Variants in NKAIN1 observed in about 807,000 individuals in gnomAD.
NKAIN1 encodes sodium/potassium-transporting ATPase subunit beta-1-interacting protein 1.
A neutral mutation model predicts 31.6 loss-of-function variants in NKAIN1; 13 were observed. That is an observed-to-expected ratio of 0.41 (90% confidence interval 0.27 to 0.65). The LOEUF (loss-of-function observed/expected upper bound fraction) is 0.65, where lower values mean the gene tolerates loss of function less well. Ranked by LOEUF, NKAIN1 falls within the 30% of genes least tolerant of loss-of-function variation. NKAIN1 has a pLI of 0.30. For missense variants in NKAIN1, 193 were observed against 262.2 expected, an observed-to-expected ratio of 0.74 and a Z score of 1.82; for synonymous variants, 104 against 109.0, an observed-to-expected ratio of 0.95 and a Z score of 0.28.
intron 1 of NKAIN1, among the ~76,000 whole-genome samples, chr1:31,223,634 C>T (rs1298648034): frequency 2.0e-5 from 3 of 152,040 alleles, no homozygotes; most frequent in Non-Finnish European, 2.9e-5. Flanking sequence ...TTAGTAGAGA[C>T]GGGGTTTCAC....
rs980259478 is a variant in NKAIN1, at chr1:31,207,019, T to A, written c.55-18832A>T. The stretch of plus-strand genomic sequence containing the variant: ...CAAAGTGCTGGGATTAAAAGTGTGA[T>A]CCTGTAATCCCACCTGGCTGTATGT... On this transcript the variant is annotated intron_variant, in intron 1 of 6. Transcript: ENST00000373736. 2.0e-5 allele frequency among the ~76,000 whole-genome samples: 3 copies of A among 152,098 alleles called. No homozygotes were observed. The South Asian group carries it at 6.2e-4, about 32-fold the overall frequency.
intron 1 of NKAIN1, among the ~76,000 whole-genome samples, chr1:31,226,905 C>A (rs1031025813): frequency 1.3e-5 from 2 of 151,986 alleles, no homozygotes; most frequent in East Asian, 3.9e-4. Context: ...CTCACTGCAA[C>A]CTCTGCCTCT....
At chr1:31,182,201 G>A (rs1290015659) in intron 5 of NKAIN1, among the ~76,000 whole-genome samples, 1 of 152,070 alleles carries the variant, frequency 6.6e-6, no homozygotes, top group African/African-American at 2.4e-5. Context: ...CAGTCCTTAA[G>A]GCTTGGGCCT....
intron 1 of NKAIN1, among the ~76,000 whole-genome samples, chr1:31,227,929 GT>G (rs1172582654): frequency 2.0e-5 from 3 of 152,054 alleles, no homozygotes; most frequent in African/African-American, 7.2e-5. Context: ...CCACCTTCCT[GT>G]CCCCCTGGCC....
intron 1 of NKAIN1, among the ~76,000 whole-genome samples, chr1:31,225,963 A>G (rs2148365863): frequency 6.6e-6 from 1 of 152,344 alleles, no homozygotes; most frequent in Middle Eastern, 3.4e-3. Context: ...CACTTACCTC[A>G]CTCAACTTAT....
chr1:31,227,483 G>T (rs1645616848), intron 1 of NKAIN1, among the ~76,000 whole-genome samples: 1 of 152,216 alleles, frequency 6.6e-6, no homozygotes, highest in Admixed American at 6.5e-5. Flanking sequence ...CCCACAGGGT[G>T]CCATGAGGAT....
chr1:31,196,140 A>T (rs1272567728), intron 1 of NKAIN1, among the ~76,000 whole-genome samples: 1 of 152,052 alleles, frequency 6.6e-6, no homozygotes, highest in Non-Finnish European at 1.5e-5. Context: ...GCACTTTGGG[A>T]GACCGAGGTG....
intron 1 of NKAIN1, among the ~76,000 whole-genome samples, chr1:31,210,688 G>A (rs1210238809): frequency 2.0e-5 from 3 of 152,332 alleles, no homozygotes; most frequent in East Asian, 3.9e-4. Flanking sequence ...CTGAAATGGA[G>A]ATCATTTCTA....
intron 1 of NKAIN1, among the ~76,000 whole-genome samples, chr1:31,190,775 CTCTG>C (rs1246920415): frequency 6.6e-6 from 1 of 152,156 alleles, no homozygotes; most frequent in Non-Finnish European, 1.5e-5. Context: ...CTGCCACGGT[CTCTG>C]TCTGCTGCTC....
intron 1 of NKAIN1, among the ~76,000 whole-genome samples, chr1:31,195,582 T>A (rs997186684): frequency 2.0e-5 from 3 of 151,922 alleles, no homozygotes; most frequent in Non-Finnish European, 4.4e-5. Flanking sequence ...CCCCAGATCC[T>A]TCTCACTGGC....
intron 1 of NKAIN1, among the ~76,000 whole-genome samples, chr1:31,197,402 C>T (rs1018151302): frequency 5.9e-5 from 9 of 151,924 alleles, no homozygotes; most frequent in African/African-American, 1.9e-4. Context: ...TGAGCTACCA[C>T]GTCTGGCCTA....
chr1:31,189,116 G>A (rs1393970402), intron 1 of NKAIN1, among the ~76,000 whole-genome samples: 1 of 151,938 alleles, frequency 6.6e-6, no homozygotes, highest in Non-Finnish European at 1.5e-5. Flanking sequence ...TGACCTGCTG[G>A]AGGATGAGAA....
At chr1:31,222,588 C>T (rs1329078794) in intron 1 of NKAIN1, among the ~76,000 whole-genome samples, 1 of 152,172 alleles carries the variant, frequency 6.6e-6, no homozygotes, top group East Asian at 1.9e-4. Flanking sequence ...GGAAGAGGAA[C>T]AGGAGGACTC....
intron 1 of NKAIN1, among the ~76,000 whole-genome samples, chr1:31,201,649 C>T (rs941659978): frequency 1.3e-5 from 2 of 152,192 alleles, no homozygotes; most frequent in Non-Finnish European, 2.9e-5. Flanking sequence ...GCGTGAGCCA[C>T]CGCGCCCGGC....
intron 1 of NKAIN1, among the ~76,000 whole-genome samples, chr1:31,199,101 G>A (rs1645355549): frequency 6.6e-6 from 1 of 152,212 alleles, no homozygotes; most frequent in African/African-American, 2.4e-5. Flanking sequence ...CCTGTCTGGG[G>A]AAAGATGAGG....
chr1:31,213,822 C>T (rs1645488808), intron 1 of NKAIN1, among the ~76,000 whole-genome samples: 1 of 151,660 alleles, frequency 6.6e-6, no homozygotes, highest in Non-Finnish European at 1.5e-5. Flanking sequence ...CAGGGAGATC[C>T]TGTCTCCACA....
At chr1:31,200,269 T>C (rs2377718) in intron 1 of NKAIN1, among the ~76,000 whole-genome samples, 108,179 of 151,956 alleles carry the variant, frequency 0.71, 39,798 homozygotes, top group Middle Eastern at 0.9. Flanking sequence ...ACACCTCCCC[T>C]AAAAGGCACC....
chr1:31,201,727 C>A (rs72891344), intron 1 of NKAIN1, among the ~76,000 whole-genome samples: 1 of 152,086 alleles, frequency 6.6e-6, no homozygotes, highest in Admixed American at 6.6e-5. Context: ...CCTAAGGGGA[C>A]GCAGAACGGC....
intron 1 of NKAIN1, among the ~76,000 whole-genome samples, chr1:31,226,587 C>G (rs1237279294): frequency 3.3e-5 from 5 of 150,516 alleles, no homozygotes; most frequent in African/African-American, 1.2e-4. Context: ...TGCAGTGGCA[C>G]AATCCCGGTT....
Sources: gnomAD v4.1 joint callset for allele counts (sites outside exome capture counted in the v4.1 genomes callset) on GRCh38, gnomAD v4.1.1 for gene constraint, MANE v1.5 for transcripts, NCBI Gene and HGNC (gene_info 2026-07-23, HGNC 2026-07-21) for gene names.